SCGB2B2: variants seen among roughly 807,000 people sequenced by gnomAD.
SCGB2B2 encodes secretoglobin-like protein.
In SCGB2B2, 11 loss-of-function variants were observed where a neutral mutation model predicts 7.6. The observed-to-expected ratio is 1.45, with a 90% confidence interval of 0.91 to 2.40. The LOEUF (loss-of-function observed/expected upper bound fraction) is 2.40. Ranked by LOEUF, SCGB2B2 falls within the 30% of genes most tolerant of loss-of-function variation. The pLI is 0.00. For synonymous variants in SCGB2B2, 50 were observed against 48.6 expected (o/e 1.03, Z -0.12); for missense variants, 104 against 115.4 (o/e 0.90, Z 0.45).
chr19:34,648,673 T>C (rs989251), intron 1 of SCGB2B2, among the ~76,000 whole-genome samples: 59,678 of 150,484 alleles, frequency 0.4, 12,919 homozygotes, highest in Middle Eastern at 0.59. Flanking sequence ...ATTATGATCT[T>C]TGTATTAACG....
In SCGB2B2 at chr19:34,591,709, C is replaced by T. The variant is rs958975418; in HGVS notation, c.*1846G>A. On this transcript the variant is annotated 3_prime_UTR_variant, in exon 4 of 4. Coordinates refer to ENST00000601241, the MANE Select transcript of SCGB2B2 (RefSeq NM_001025591.4). ...ACACAACAAATCCTTTCTCATCATG[C>T]CGCATTCCCTGCCCCAGACCTTCAC... is the stretch of plus-strand genomic sequence containing the variant. Among the ~76,000 whole-genome samples the T allele has an allele frequency of 3.3e-5, 5 of 152,188 alleles. No individual in the cohort carries two copies. Among genetic ancestry groups the T allele is most frequent in the Admixed American group, 1.3e-4 (2 of 15,284 alleles).
intron 1 of SCGB2B2, among the ~76,000 whole-genome samples, chr19:34,621,346 C>A (rs959761594): frequency 6.6e-6 from 1 of 151,992 alleles, no homozygotes; most frequent in Non-Finnish European, 1.5e-5. Flanking sequence ...ACAGGCATAC[C>A]TGAAAGGCAA....
chr19:34,594,060 G>T, intron 3 of SCGB2B2, 115 bp downstream of exon 3: 1 of 853,786 alleles, frequency 1.2e-6, no homozygotes, highest in Non-Finnish European at 1.9e-6. Flanking sequence ...TGCGCATCCT[G>T]GGATGTGGCT....
chr19:34,642,704 G>C (rs928625671), intron 1 of SCGB2B2, among the ~76,000 whole-genome samples: 1 of 76,766 alleles, frequency 1.3e-5, no homozygotes, highest in African/African-American at 5.0e-5. Flanking sequence ...GACAGAGCAA[G>C]ACTCCGTCTC....
At chr19:34,649,674 C>A (rs1265708607) in intron 1 of SCGB2B2, among the ~76,000 whole-genome samples, 1 of 152,004 alleles carries the variant, frequency 6.6e-6, no homozygotes, top group Non-Finnish European at 1.5e-5. Context: ...CATGGTGAAA[C>A]CCCGTCTCCA....
chr19:34,593,041 G>A lies in SCGB2B2; in HGVS notation c.*514C>T, dbSNP rs1276275087. ...CCTGGGTTCCGAAAACAGGCATATC[G>A]ACTGGACACAGTGGCTCATGCCTCT... On this transcript the variant is annotated 3_prime_UTR_variant, in exon 4 of 4. Transcript: ENST00000601241. Among the ~76,000 whole-genome samples, 1 of 152,146 alleles carries A rather than the reference G, an allele frequency of 6.6e-6. No homozygotes were observed. The highest frequency in any genetic ancestry group is 1.9e-4 in the East Asian group (1 of 5,188).
Position 34,592,194 on chromosome 19 carries a change from G to C in SCGB2B2, c.*1361C>G, listed in dbSNP as rs578093758. 6.6e-6 allele frequency among the ~76,000 whole-genome samples: 1 copy of C among 152,256 alleles called. No individual in the cohort carries two copies. The highest frequency in any genetic ancestry group is 2.4e-5 in the African/African-American group (1 of 41,556). ...GGGTGGAAGGGAGAAAGGGCATTTT[G>C]GGCAGTGGGAGTGAGGGAGGAGAAG... On this transcript the variant is annotated 3_prime_UTR_variant, in exon 4 of 4. Transcript: ENST00000601241.
chr19:34,591,375 G>A lies in SCGB2B2; in HGVS notation c.*2180C>T, dbSNP rs2169793. Among the ~76,000 whole-genome samples, 50,651 of 152,096 alleles carry A rather than the reference G, an allele frequency of 0.33. 10,478 individuals are homozygous for A. The highest frequency in any genetic ancestry group is 0.48 in the Admixed American group (7,278 of 15,300). ...TTCAATTCAACAGCAGGTGCTGTCA[G>A]TGCTGCCCCAGCCTCTGTCTCCCTC... On this transcript the variant is annotated 3_prime_UTR_variant, in exon 4 of 4. Transcript: ENST00000601241.
At position 34,671,017 on chromosome 19, in the gene SCGB2B2, G is replaced by A. The variant is rs150208708; in HGVS notation, c.-2032+4613C>T. Among the ~76,000 whole-genome samples, 442 of 152,216 alleles carry A rather than the reference G, an allele frequency of 2.9e-3. 11 individuals are homozygous for A. In the East Asian group the frequency reaches 0.077, roughly 27 times the overall value. On this transcript the variant is annotated intron_variant, in intron 1 of 3. Transcript: ENST00000601241. ...TGGCTCACTTCAACCTCCGCCTCCC[G>A]GGTTCAAGCAGTTCTCTGCCTCAGC...
At position 34,595,630 on chromosome 19, in the gene SCGB2B2, C is replaced by T. The variant is rs1159210099; in HGVS notation, c.-1067G>A. On this transcript the variant is annotated 5_prime_UTR_variant, in exon 2 of 4. Transcript: ENST00000601241. The stretch of plus-strand genomic sequence containing the variant: ...ATGATGGCAATTAGGAGGCTTTCCT[C>T]CTCAGAGGCCTTTTGTGGCTTTCCA... 1.3e-5 allele frequency: 2 copies of T among 152,258 alleles called. No homozygotes were observed. The highest frequency in any genetic ancestry group is 2.9e-5 in the Non-Finnish European group (2 of 68,062). 9.4% of individuals were successfully genotyped at this position (152,258 alleles called of 1,614,324 possible). A position where few individuals can be genotyped will look rare whatever the true frequency, so the allele number is the denominator to read the frequency against.
At chr19:34,663,120 C>T (rs1343978098) in intron 1 of SCGB2B2, among the ~76,000 whole-genome samples, 6 of 152,318 alleles carry the variant, frequency 3.9e-5, no homozygotes, top group South Asian at 4.1e-4. Context: ...ATGGTTCACA[C>T]GACACTGACA....
intron 1 of SCGB2B2, among the ~76,000 whole-genome samples, chr19:34,598,238 C>T (rs556011533): frequency 6.6e-6 from 1 of 152,150 alleles, no homozygotes; most frequent in African/African-American, 2.4e-5. Flanking sequence ...TGACACAACA[C>T]AACATGGCAC....
chr19:34,669,679 C>T (rs1278413321), intron 1 of SCGB2B2, among the ~76,000 whole-genome samples: 1 of 121,792 alleles, frequency 8.2e-6, no homozygotes, highest in Non-Finnish European at 1.8e-5. Context: ...GGCCCAGGGC[C>T]GTGGGTCTCT....
rs2067908263 is a variant in SCGB2B2, at chr19:34,675,737, G to A, written c.-2139C>T. The A allele has an allele frequency of 6.5e-6, 1 of 153,032 alleles. No individual in the cohort carries two copies. The allele number at this position is 153,032 out of a possible 1,614,324, so 9.5% of individuals were successfully genotyped here. A position where few individuals can be genotyped will look rare whatever the true frequency, so the allele number is the denominator to read the frequency against. On this transcript the variant is annotated 5_prime_UTR_variant, in exon 1 of 4. Transcript: ENST00000601241. ...GAAGCTGCAGACCCTCGCGGTGTGTGTTACAGCTCATAAAGGCGGTGCGTC... is the reference window on the plus strand; with the variant it reads ...GAAGCTGCAGACCCTCGCGGTGTGTATTACAGCTCATAAAGGCGGTGCGTC...
At chr19:34,673,596 A>G (rs1204560904) in intron 1 of SCGB2B2, among the ~76,000 whole-genome samples, 1 of 152,186 alleles carries the variant, frequency 6.6e-6, no homozygotes, top group Admixed American at 6.5e-5. Context: ...CTATGAAAAA[A>G]CTAAGCTAAG....
chr19:34,621,339 G>A (rs1414608172), intron 1 of SCGB2B2, among the ~76,000 whole-genome samples: 2 of 152,014 alleles, frequency 1.3e-5, no homozygotes, highest in African/African-American at 4.8e-5. Context: ...CTAATAAACA[G>A]GCATACCTGA....
chr19:34,647,875 G>A (rs7252561), intron 1 of SCGB2B2, among the ~76,000 whole-genome samples: 54,729 of 152,090 alleles, frequency 0.36, 10,164 homozygotes, highest in African/African-American at 0.44. Context: ...CAGAAGGCAC[G>A]TGAGGAGACA....
chr19:34,589,629 G>A (rs2065253400), downstream of SCGB2B2, among the ~76,000 whole-genome samples: 1 of 152,160 alleles, frequency 6.6e-6, no homozygotes, highest in Admixed American at 6.5e-5. Flanking sequence ...ATGGGCCAGG[G>A]TTCCCCACAC....
intron 1 of SCGB2B2, among the ~76,000 whole-genome samples, chr19:34,612,022 CTTTT>C (rs753968261): frequency 4.8e-5 from 2 of 41,766 alleles, no homozygotes; most frequent in African/African-American, 2.1e-4. Flanking sequence ...TTAGAAAATT[CTTTT>C]TTTTTTTTTT....
Sources: allele counts gnomAD v4.1 joint callset (sites outside exome capture counted in the v4.1 genomes callset), GRCh38; gene constraint gnomAD v4.1.1; transcripts MANE v1.5; gene names NCBI Gene and HGNC (gene_info 2026-07-23, HGNC 2026-07-21).